PRPSAP2: variants seen among roughly 807,000 people sequenced by gnomAD.
PRPSAP2 encodes phosphoribosyl pyrophosphate synthetase associated protein 2.
PRPSAP2 carries 24 observed loss-of-function variants against 40.6 expected under a neutral mutation model. That is an observed-to-expected ratio of 0.59 (90% CI 0.43 to 0.83). The LOEUF (loss-of-function observed/expected upper bound fraction) is 0.83, where lower values mean the gene tolerates loss of function less well. Among genes scored for constraint, PRPSAP2 ranks in the 40% least tolerant of loss-of-function variants. The probability of loss-of-function intolerance (pLI) is 0.00; values close to 1 mark genes in which losing one functional copy is unlikely to be tolerated. For missense variants in PRPSAP2, 292 were observed against 465.6 expected, an observed-to-expected ratio of 0.63 and a Z score of 3.43; for synonymous variants, 149 against 164.7, an observed-to-expected ratio of 0.90 and a Z score of 0.73.
At position 18,882,653 on chromosome 17, in the gene PRPSAP2, T is replaced by C. The variant is rs1567694537; in HGVS notation, c.498T>C (p.Ser166=). The change falls in exon 7 of 12, where the codon TCT becomes TCC. Residue 166 remains serine (S), a synonymous_variant. Transcript: ENST00000268835. ...FNIPVDNLRA[S]PFLLQYIQEE... Reference sequence around the variant, plus strand: ...TTCCTGTTGACAATTTAAGAGCATCTCCCTTCTTATTACAGTATATTCAAG... The same window carrying C: ...TTCCTGTTGACAATTTAAGAGCATCCCCCTTCTTATTACAGTATATTCAAG... 2 of 1,597,842 alleles carry C rather than the reference T, an allele frequency of 1.3e-6. No individual in the cohort carries two copies. The highest frequency in any genetic ancestry group is 1.7e-6 in the Non-Finnish European group (2 of 1,165,390).
chr17:18,929,012 G>C, intron 11 of PRPSAP2, 55 bp downstream of exon 11: 1 of 1,571,262 alleles, frequency 6.4e-7, no homozygotes, highest in Non-Finnish European at 8.6e-7. Context: ...GGCACATCTT[G>C]ATCTTTAGTT....
chr17:18,870,144 ACAT>A (rs779842554), intron 4 of PRPSAP2, among the ~76,000 whole-genome samples: 1 of 152,148 alleles, frequency 6.6e-6, no homozygotes, highest in Non-Finnish European at 1.5e-5. Flanking sequence ...AAATGTTCAA[ACAT>A]ATAAAAAAGT....
chr17:18,887,224 C>T (rs1029501891), intron 7 of PRPSAP2, among the ~76,000 whole-genome samples: 13 of 151,886 alleles, frequency 8.6e-5, no homozygotes, highest in African/African-American at 3.1e-4. Flanking sequence ...CGTGAAGCCA[C>T]CGTGCCCGGC....
intron 9 of PRPSAP2, among the ~76,000 whole-genome samples, 186 bp from the exon 10 acceptor site, chr17:18,923,727 CT>C (rs1410928621): frequency 2.0e-5 from 3 of 152,210 alleles, no homozygotes; most frequent in Non-Finnish European, 4.4e-5. Flanking sequence ...TAGGGGAAAG[CT>C]TTTGGCCTTC....
At chr17:18,910,916 G>T (rs2040921652) in intron 8 of PRPSAP2, among the ~76,000 whole-genome samples, 187 bp from the exon 9 acceptor site, 1 of 152,178 alleles carries the variant, frequency 6.6e-6, no homozygotes, top group Non-Finnish European at 1.5e-5. Flanking sequence ...AGAGGGAAGT[G>T]TTTGGCATGT....
rs1462982719 is a variant in PRPSAP2 at position 18,911,743 on chromosome 17, T to C, written c.733+492T>C. Among the ~76,000 whole-genome samples, 1 of 152,240 alleles carries C rather than the reference T, an allele frequency of 6.6e-6. No individual in the cohort carries two copies. Among genetic ancestry groups the C allele is most frequent in the Non-Finnish European group, 1.5e-5 (1 of 68,044 alleles). ...ACGAGAAAAATATATGGAATATATA[T>C]GAACAAGGCAGAATATAAGATTGTA... On this transcript the variant is annotated intron_variant, in intron 9 of 11. Transcript: ENST00000268835. The surrounding 1 kb of genome is among the most constrained non-coding windows in gnomAD (Gnocchi z 4.5).
chr17:18,874,513 C>T (rs759719538), intron 5 of PRPSAP2, among the ~76,000 whole-genome samples: 5 of 152,214 alleles, frequency 3.3e-5, no homozygotes, highest in Non-Finnish European at 7.3e-5. Flanking sequence ...GATGAAGTCA[C>T]AAAACCCCCA....
At chr17:18,873,597 A>G (rs1385663431) in intron 5 of PRPSAP2, among the ~76,000 whole-genome samples, 1 of 152,208 alleles carries the variant, frequency 6.6e-6, no homozygotes, top group African/African-American at 2.4e-5. Context: ...AAGCATTTCT[A>G]GTTCCCTCCT....
intron 8 of PRPSAP2, 87 bp downstream of exon 8, chr17:18,889,964 A>G: frequency 8.5e-7 from 1 of 1,170,716 alleles, no homozygotes. Context: ...TTTGAACTTC[A>G]GTGGTTCCCA....
At chr17:18,921,449 T>C (rs1035867707) in intron 9 of PRPSAP2, among the ~76,000 whole-genome samples, 2 of 152,190 alleles carry the variant, frequency 1.3e-5, no homozygotes, top group Non-Finnish European at 2.9e-5. Context: ...AGTTCTGGAA[T>C]TTATCTTGCT....
At chr17:18,892,936 A>G (rs1199856673) in intron 8 of PRPSAP2, among the ~76,000 whole-genome samples, 2 of 151,086 alleles carry the variant, frequency 1.3e-5, no homozygotes, top group Admixed American at 1.3e-4. Flanking sequence ...GGCCATTTGT[A>G]TATATTTGGA....
rs534346809 is a variant in PRPSAP2 at position 18,920,195 on chromosome 17, G to A, written c.734-3719G>A. On this transcript the variant is annotated intron_variant, in intron 9 of 11. Coordinates refer to ENST00000268835, the MANE Select transcript of PRPSAP2 (RefSeq NM_002767.4). ...TATATGTTCCTCTTCAGTCCTGTAAGCACATGGGCTGTGATGAGGAACGCG... is the reference window on the plus strand; with the variant it reads ...TATATGTTCCTCTTCAGTCCTGTAAACACATGGGCTGTGATGAGGAACGCG... 2.1e-3 allele frequency among the ~76,000 whole-genome samples: 319 copies of A among 152,302 alleles called. 1 individual carries two copies. The highest frequency in any genetic ancestry group is 3.6e-3 in the Non-Finnish European group (244 of 68,022).
At chr17:18,895,852 C>T (rs780669271) in intron 8 of PRPSAP2, among the ~76,000 whole-genome samples, 9 of 152,040 alleles carry the variant, frequency 5.9e-5, no homozygotes, top group Non-Finnish European at 8.8e-5. Flanking sequence ...TCTCAAAACT[C>T]CTGACCTCAG....
chr17:18,909,418 A>T (rs2040816622), intron 8 of PRPSAP2, among the ~76,000 whole-genome samples: 1 of 151,246 alleles, frequency 6.6e-6, no homozygotes, highest in African/African-American at 2.4e-5. Context: ...ATTTTTTTGT[A>T]TTTTTTTAGT....
intron 7 of PRPSAP2, among the ~76,000 whole-genome samples, chr17:18,883,490 C>A (rs1482840394): frequency 1.3e-5 from 2 of 151,054 alleles, no homozygotes; most frequent in Non-Finnish European, 2.9e-5. Context: ...GAAACCTCCA[C>A]CTCCCGGGTT....
At chr17:18,896,554 G>A (rs1447733535) in intron 8 of PRPSAP2, among the ~76,000 whole-genome samples, 2 of 146,694 alleles carry the variant, frequency 1.4e-5, no homozygotes, top group African/African-American at 2.5e-5. Context: ...CAAGGCCCAT[G>A]TGGCCATCTC....
chr17:18,858,989 A>G (rs1219721908), intron 1 of PRPSAP2, among the ~76,000 whole-genome samples: 1 of 152,048 alleles, frequency 6.6e-6, no homozygotes, highest in East Asian at 1.9e-4. Context: ...TACCATTATT[A>G]CTCAGTTGTG....
chr17:18,921,182 T>C (rs1266302984), intron 9 of PRPSAP2, among the ~76,000 whole-genome samples: 1 of 152,160 alleles, frequency 6.6e-6, no homozygotes, highest in African/African-American at 2.4e-5. Context: ...AACCACAGCC[T>C]AATTTGGGGT....
chr17:18,928,037 G>C (rs560451725), intron 10 of PRPSAP2, among the ~76,000 whole-genome samples: 1 of 152,206 alleles, frequency 6.6e-6, no homozygotes, highest in South Asian at 2.1e-4. Context: ...TCCCACCTCA[G>C]CCTCCCAAAG....
Sources: gnomAD v4.1 joint callset for allele counts (sites outside exome capture counted in the v4.1 genomes callset) on GRCh38, gnomAD v4.1.1 for gene constraint, Gnocchi (gnomAD v3.1) non-coding constraint, MANE v1.5 for transcripts, NCBI Gene and HGNC (gene_info 2026-07-23, HGNC 2026-07-21) for gene names.